Variants in FAM120B observed in about 807,000 individuals in gnomAD.
The protein encoded by FAM120B is constitutive coactivator of peroxisome proliferator-activated receptor gamma.
Under a neutral mutation model 96.3 loss-of-function variants are expected in FAM120B, and 83 were observed. That is an observed-to-expected ratio of 0.86 (90% confidence interval 0.72 to 1.03). FAM120B has a LOEUF of 1.03. FAM120B is among the 50% of genes least tolerant of loss of function. The pLI is 0.00. For missense variants in FAM120B, 1,027 were observed against 1,121.2 expected, an observed-to-expected ratio of 0.92 and a Z score of 1.20; for synonymous variants, 407 against 402.7, an observed-to-expected ratio of 1.01 and a Z score of -0.13.
chr6:170,344,310 C>T lies in FAM120B; in HGVS notation c.2018-3841C>T, dbSNP rs562443040. 8.5e-5 allele frequency among the ~76,000 whole-genome samples: 11 copies of T among 129,930 alleles called. No homozygotes were observed. In the East Asian group the frequency reaches 2.6e-3, roughly 30 times the overall value. 85.2% of individuals were successfully genotyped at this position (129,930 alleles called of 152,430 possible). On this transcript the variant is annotated intron_variant, in intron 4 of 10. Transcript: ENST00000476287. ...ACCGTTGCCTGCGGTGCTAGCCTCT[C>T]ACTGGTTCCTGAGTAGACCCACCTT...
rs1397062537 is a variant in FAM120B, at chr6:170,295,489, C to A, written c.48+36C>A. 5.8e-6 allele frequency: 4 copies of A among 694,084 alleles called. No homozygotes were observed. In the Admixed American group the frequency reaches 8.1e-5, roughly 14 times the overall value. 43.0% of individuals were successfully genotyped at this position (694,084 alleles called of 1,614,324 possible). A position where few individuals can be genotyped will look rare whatever the true frequency, so the allele number is the denominator to read the frequency against. ...CCCGCGTGCACACAAGGCGCGCGGC[C>A]CCCAGGCAGCCGCGCTTCCACAGCG... On this transcript the variant is annotated intron_variant, in intron 1 of 10. Coordinates refer to the FAM120B transcript ENST00000537664. The surrounding 1 kb of genome is among the most constrained non-coding windows in gnomAD (Gnocchi z 7.8).
At position 170,326,448 on chromosome 6, in the gene FAM120B, T is replaced by G. The variant is rs79539595; in HGVS notation, c.1915+3189T>G. On this transcript the variant is annotated intron_variant, in intron 3 of 10. Coordinates refer to ENST00000476287, the MANE Select transcript of FAM120B (RefSeq NM_032448.3). ...TTTTCATCTCTATGTTCTTGTTCAT[T>G]TCAGAATGTTACATAAATGGCAGCA... Among the ~76,000 whole-genome samples the G allele has an allele frequency of 4.1e-3, 626 of 152,338 alleles. 14 individuals are homozygous for G. The East Asian group carries it at 0.042, about 10-fold the overall frequency.
rs1778767182 is a variant in FAM120B, at chr6:170,405,291, A to C, written c.*540A>C. On this transcript the variant is annotated 3_prime_UTR_variant, in exon 11 of 11. Transcript: ENST00000476287. ...ACCATGATAAAGCTTAACAAAGAAC[A>C]GTGAGAGATTAACAGCAACCAATAA... 1 of 152,242 alleles carries C rather than the reference A, an allele frequency of 6.6e-6. No homozygotes were observed. Among genetic ancestry groups the C allele is most frequent in the African/African-American group, 2.4e-5 (1 of 41,456 alleles). 9.4% of individuals were successfully genotyped at this position (152,242 alleles called of 1,614,324 possible).
chr6:170,315,086 G>C (rs1259765737), intron 1 of FAM120B, among the ~76,000 whole-genome samples: 2 of 152,346 alleles, frequency 1.3e-5, no homozygotes, highest in East Asian at 1.9e-4. Flanking sequence ...TTCAAATGCT[G>C]TTCCTTGTTT....
chr6:170,308,906 G>A (rs1225544922), intron 1 of FAM120B, among the ~76,000 whole-genome samples: 1 of 152,218 alleles, frequency 6.6e-6, no homozygotes, highest in East Asian at 1.9e-4. Flanking sequence ...GTGTCAGGAG[G>A]GAGATGTCAG....
At chr6:170,394,717 C>T (rs1790639277) in intron 8 of FAM120B, among the ~76,000 whole-genome samples, 3 of 152,212 alleles carry the variant, frequency 2.0e-5, no homozygotes, top group African/African-American at 2.4e-5. Flanking sequence ...GTGGACACCG[C>T]AGCATGTCCA....
At chr6:170,345,978 G>A (rs1787154361) in intron 4 of FAM120B, among the ~76,000 whole-genome samples, 1 of 152,236 alleles carries the variant, frequency 6.6e-6, no homozygotes, top group African/African-American at 2.4e-5. Flanking sequence ...CTGCAAACCT[G>A]TGAAGCGTGT....
intron 4 of FAM120B, among the ~76,000 whole-genome samples, chr6:170,342,264 T>A (rs1307886246): frequency 2.0e-5 from 3 of 152,242 alleles, no homozygotes; most frequent in Admixed American, 2.0e-4. Context: ...CTTGTGAATT[T>A]AAGCTTTCAC....
intron 1 of FAM120B, among the ~76,000 whole-genome samples, chr6:170,310,799 C>G (rs1490909757): frequency 6.6e-6 from 1 of 152,244 alleles, no homozygotes; most frequent in African/African-American, 2.4e-5. Flanking sequence ...CCAAAGCTCT[C>G]TGCTTCTCAG....
intron 9 of FAM120B, among the ~76,000 whole-genome samples, chr6:170,396,919 G>A (rs764226381): frequency 1.3e-5 from 2 of 152,250 alleles, no homozygotes; most frequent in African/African-American, 2.4e-5. Context: ...GGCCATTGCC[G>A]CTGCCCTAGG....
At chr6:170,316,017 C>T (rs118182831) in intron 1 of FAM120B, among the ~76,000 whole-genome samples, 4 of 144,282 alleles carry the variant, frequency 2.8e-5, no homozygotes, top group African/African-American at 5.2e-5. Context: ...TGTGATCACC[C>T]CTCTGCACTC....
chr6:170,362,827 G>A (rs1362674442), intron 6 of FAM120B, among the ~76,000 whole-genome samples: 1 of 151,572 alleles, frequency 6.6e-6, no homozygotes, highest in East Asian at 1.9e-4. Context: ...GACTACAGGC[G>A]CACACCACCA....
intron 5 of FAM120B, among the ~76,000 whole-genome samples, chr6:170,351,321 T>C (rs1207621424): frequency 6.6e-6 from 1 of 152,196 alleles, no homozygotes; most frequent in Non-Finnish European, 1.5e-5. Flanking sequence ...TTATGACTGA[T>C]TGGGGTACCT....
chr6:170,365,502 A>T (rs187321132), intron 6 of FAM120B, among the ~76,000 whole-genome samples: 1 of 152,324 alleles, frequency 6.6e-6, no homozygotes, highest in East Asian at 1.9e-4. Context: ...CTGAAGAAAG[A>T]GGTTGCAGAC....
At chr6:170,397,220 G>C (rs1299141182) in intron 9 of FAM120B, among the ~76,000 whole-genome samples, 1 of 152,246 alleles carries the variant, frequency 6.6e-6, no homozygotes, top group Non-Finnish European at 1.5e-5. Context: ...CATGAGCCAT[G>C]GTGAGGGTGC....
chr6:170,296,046 C>T (rs368974706), intron 1 of FAM120B, among the ~76,000 whole-genome samples: 14 of 152,286 alleles, frequency 9.2e-5, no homozygotes, highest in African/African-American at 2.9e-4. Context: ...TGTCCCGCGC[C>T]CCATCTCCAT....
rs577804200 is a variant in FAM120B, at chr6:170,347,660, CAG to C, written c.2018-488_2018-487del. On this transcript the variant is annotated intron_variant, in intron 4 of 10. Coordinates refer to ENST00000476287, the MANE Select transcript of FAM120B (RefSeq NM_032448.3). ...GGCACCCATACCTGTCTAATCAAAT[CAG>C]AGTTTCTGCATATAGATCCCAGGAA... is the stretch of plus-strand genomic sequence containing the variant. Among the ~76,000 whole-genome samples the C allele has an allele frequency of 1.2e-4, 18 of 152,268 alleles. No homozygotes were observed. In the East Asian group the frequency reaches 2.3e-3, roughly 20 times the overall value.
intron 4 of FAM120B, among the ~76,000 whole-genome samples, chr6:170,337,076 T>C (rs1291720695): frequency 2.0e-5 from 3 of 152,182 alleles, no homozygotes; most frequent in African/African-American, 4.8e-5. Flanking sequence ...CTGTGTTGAA[T>C]AGGAGTGGTG....
chr6:170,342,014 C>T (rs1224954281), intron 4 of FAM120B, among the ~76,000 whole-genome samples: 2 of 152,200 alleles, frequency 1.3e-5, no homozygotes, highest in Non-Finnish European at 2.9e-5. Flanking sequence ...AATAGGCCGT[C>T]TGCAGGCTGA....
Sources: gnomAD v4.1 joint callset for allele counts (sites outside exome capture counted in the v4.1 genomes callset) on GRCh38, gnomAD v4.1.1 for gene constraint, Gnocchi (gnomAD v3.1) non-coding constraint, MANE v1.5 for transcripts, NCBI Gene and HGNC (gene_info 2026-07-23, HGNC 2026-07-21) for gene names.